Variants in SLC6A3 observed in about 807,000 individuals in gnomAD.
The protein encoded by SLC6A3 is solute carrier family 6 member 3.
In SLC6A3, 19 loss-of-function variants were observed where a neutral mutation model predicts 70.4. The ratio of observed to expected loss-of-function variants is 0.27; its 90% CI spans 0.19 to 0.40. The LOEUF (loss-of-function observed/expected upper bound fraction) is 0.40, where lower values mean the gene tolerates loss of function less well. Ranked by LOEUF, SLC6A3 falls within the 10% of genes least tolerant of loss-of-function variation. The pLI, the probability that SLC6A3 is intolerant of heterozygous loss-of-function variation, is 1.00. For missense variants in SLC6A3, 613 were observed against 838.5 expected, an observed-to-expected ratio of 0.73 and a Z score of 3.32; for synonymous variants, 368 against 356.6, an observed-to-expected ratio of 1.03 and a Z score of -0.36.
chr5:1,435,766 G>C (rs111376515), intron 3 of SLC6A3, among the ~76,000 whole-genome samples: 5 of 132,010 alleles, frequency 3.8e-5, no homozygotes, highest in Admixed American at 7.4e-5. Context: ...CTGGGCACCT[G>C]GGTGAGGAAA....
intron 4 of SLC6A3, among the ~76,000 whole-genome samples, chr5:1,430,718 C>T (rs1014727998): frequency 1.3e-5 from 2 of 152,194 alleles, no homozygotes; most frequent in Admixed American, 6.5e-5. Flanking sequence ...CTGTGCGCCC[C>T]GAAGGTGCCC....
chr5:1,426,369 C>G (rs936575916), intron 4 of SLC6A3, among the ~76,000 whole-genome samples: 3 of 152,032 alleles, frequency 2.0e-5, no homozygotes, highest in Non-Finnish European at 4.4e-5. Flanking sequence ...CAAGACCCCA[C>G]TTTACAAAAA....
rs771007893 is a variant in SLC6A3 at position 1,421,936 on chromosome 5, C to T, written c.732G>A (p.Leu244=). 4.3e-6 allele frequency: 7 copies of T among 1,613,226 alleles called. No individual in the cohort carries two copies. The South Asian group carries it at 7.7e-5, about 18-fold the overall frequency. Residue 244 remains leucine, a synonymous_variant, in exon 5 of 15, where the codon CTG becomes CTA. Transcript: ENST00000270349. The surrounding 1 kb of genome is among the most constrained non-coding windows in gnomAD (Gnocchi z 7.2). ...GPPRWQLTAC[L]VLVIVLLYFS... The stretch of plus-strand genomic sequence containing the variant: ...AGTAGAGCAGCACGATGACCAGCAC[C>T]AGGCAGGCTGTGAGCTGCCACCGCG...
rs189669040 is a variant in SLC6A3, at chr5:1,401,708, C to T, written c.1768-722G>A. 4.8e-4 allele frequency among the ~76,000 whole-genome samples: 71 copies of T among 146,632 alleles called. No individual in the cohort carries two copies. The East Asian group carries it at 0.011, about 23-fold the overall frequency. Reference sequence around the variant, plus strand: ...AGTTTGGCCATGCGAGGGGTAAGGGCGCTGGCTGTTCAGGTCCGCCGGGCT... The same window carrying T: ...AGTTTGGCCATGCGAGGGGTAAGGGTGCTGGCTGTTCAGGTCCGCCGGGCT... On this transcript the variant is annotated intron_variant, in intron 13 of 14. Coordinates refer to ENST00000270349, the MANE Select transcript of SLC6A3 (RefSeq NM_001044.5). This position sits in a 1 kb window ranked among gnomAD's most constrained non-coding sequence, Gnocchi z 6.1.
rs28382214 is a variant in SLC6A3, at chr5:1,444,855, C to T, written c.-46+493G>A. On this transcript the variant is annotated intron_variant, in intron 1 of 14. Coordinates refer to ENST00000270349, the MANE Select transcript of SLC6A3 (RefSeq NM_001044.5). ...AAGAAGCGGCGCTGCCTGGCGAGTC[C>T]TCGCCCGGCCTCCCCGCCCTGCCCA... is the stretch of plus-strand genomic sequence containing the variant. Among the ~76,000 whole-genome samples the T allele has an allele frequency of 9.6e-3, 1,466 of 152,366 alleles. 29 individuals carry two copies. Among genetic ancestry groups the T allele is most frequent in the African/African-American group, 0.034 (1,407 of 41,584 alleles).
rs1479897795 is a variant in SLC6A3 at position 1,396,653 on chromosome 5, G to A, written c.1840-1895C>T. Among the ~76,000 whole-genome samples, 1 of 152,010 alleles carries A rather than the reference G, an allele frequency of 6.6e-6. No individual in the cohort carries two copies. Among genetic ancestry groups the A allele is most frequent in the African/African-American group, 2.4e-5 (1 of 41,444 alleles). ...ACGAGCACATCCCGCTGTGAATGAG[G>A]AGGCTGGGGAGAGATCCGCCGACAG... On this transcript the variant is annotated intron_variant, in intron 14 of 14. Transcript: ENST00000270349. This position sits in a 1 kb window ranked among gnomAD's most constrained non-coding sequence, Gnocchi z 7.0.
At chr5:1,440,637 T>C (rs962791805) in intron 3 of SLC6A3, among the ~76,000 whole-genome samples, 6 of 152,196 alleles carry the variant, frequency 3.9e-5, no homozygotes, top group Non-Finnish European at 1.5e-5. Context: ...GTGAGGTCAT[T>C]AGGGTGTCCC....
chr5:1,431,811 G>A (rs1756712936), intron 4 of SLC6A3, among the ~76,000 whole-genome samples: 1 of 152,174 alleles, frequency 6.6e-6, no homozygotes, highest in South Asian at 2.1e-4. Context: ...GAAGGAGACA[G>A]AGACCCAGGA....
At chr5:1,443,851 T>TGTG (rs11564756) in intron 1 of SLC6A3, among the ~76,000 whole-genome samples, 1 of 150,788 alleles carries the variant, frequency 6.6e-6, no homozygotes. Context: ...TTTGTGTGTG[T>TGTG]TTTTTTGTTG....
At chr5:1,395,963 G>A (rs1755708126) in intron 14 of SLC6A3, among the ~76,000 whole-genome samples, 2 of 152,236 alleles carry the variant, frequency 1.3e-5, no homozygotes, top group African/African-American at 4.8e-5. Flanking sequence ...CTCTAAGTGA[G>A]TCCCCAGAAA....
At position 1,396,753 on chromosome 5, in the gene SLC6A3, T is replaced by C. The variant is rs766409491; in HGVS notation, c.1840-1995A>G. 1.4e-4 allele frequency among the ~76,000 whole-genome samples: 22 copies of C among 152,174 alleles called. No homozygotes were observed. Among genetic ancestry groups the C allele is most frequent in the Non-Finnish European group, 2.8e-4 (19 of 68,020 alleles). On this transcript the variant is annotated intron_variant, in intron 14 of 14. Coordinates refer to ENST00000270349, the MANE Select transcript of SLC6A3 (RefSeq NM_001044.5). This position sits in a 1 kb window ranked among gnomAD's most constrained non-coding sequence, Gnocchi z 7.0. ...TGTTCCCCCAGCCAGGAGAATGTCA[T>C]GATTCTCGGGGATCTGCATGGGGTG...
rs1560912981 is a variant in SLC6A3, at chr5:1,414,468, CGCTGGGTGGGGGGCCTGG to C, written c.1156+205_1156+222del. 9.1e-4 allele frequency among the ~76,000 whole-genome samples: 119 copies of C among 130,542 alleles called. 3 individuals carry two copies. Among genetic ancestry groups the C allele is most frequent in the Middle Eastern group, 4.3e-3 (1 of 230 alleles). The allele number at this position is 130,542 out of a possible 152,430, so 85.6% of individuals were successfully genotyped here. On this transcript the variant is annotated intron_variant, in intron 8 of 14. Coordinates refer to ENST00000270349, the MANE Select transcript of SLC6A3 (RefSeq NM_001044.5). ...GCCGGGAGGGGCAGGGCGGGGAAGGCGCTGGGTGGGGGGCCTGGAGGGTCAGGGCGGGGAAGGCGCTGG... is the reference window on the plus strand; with the variant it reads ...GCCGGGAGGGGCAGGGCGGGGAAGGCAGGGTCAGGGCGGGGAAGGCGCTGG...
In SLC6A3 at chr5:1,402,647, AGCACACACAGACACAT is replaced by A. The variant is rs1755876569; in HGVS notation, c.1767+259_1767+274del. 6.6e-6 allele frequency among the ~76,000 whole-genome samples: 1 copy of A among 152,186 alleles called. No homozygotes were observed. The highest frequency in any genetic ancestry group is 2.4e-5 in the African/African-American group (1 of 41,450). ...TACAGTGGATGTACACACAGGCACA[AGCACACACAGACACAT>A]GCACACACAGACACACACAGACATG... On this transcript the variant is annotated intron_variant, in intron 13 of 14. Coordinates refer to ENST00000270349, the MANE Select transcript of SLC6A3 (RefSeq NM_001044.5). This position sits in a 1 kb window ranked among gnomAD's most constrained non-coding sequence, Gnocchi z 8.5.
At chr5:1,395,014 G>GCGTGGTGGC (rs1232345584) in intron 14 of SLC6A3, among the ~76,000 whole-genome samples, 3 of 152,360 alleles carry the variant, frequency 2.0e-5, no homozygotes, top group East Asian at 3.9e-4. Context: ...ACTGTGGTTG[G>GCGTGGTGGC]CGTGGTGGCC....
chr5:1,415,971 C>A (rs1489907787), intron 7 of SLC6A3, 127 bp downstream of exon 7: 18 of 741,408 alleles, frequency 2.4e-5, no homozygotes, highest in Admixed American at 4.0e-5. Context: ...TGAAAGGCCA[C>A]GCAGCTCACA....
At chr5:1,431,833 A>G (rs1252462794) in intron 4 of SLC6A3, among the ~76,000 whole-genome samples, 1 of 152,168 alleles carries the variant, frequency 6.6e-6, no homozygotes, top group Admixed American at 6.5e-5. Context: ...GCTGCTGGAC[A>G]TGGGATACGC....
At position 1,397,391 on chromosome 5, in the gene SLC6A3, A is replaced by G. The variant is rs913979369; in HGVS notation, c.1840-2633T>C. Among the ~76,000 whole-genome samples the G allele has an allele frequency of 3.9e-5, 6 of 152,230 alleles. No individual in the cohort carries two copies. Among genetic ancestry groups the G allele is most frequent in the African/African-American group, 1.4e-4 (6 of 41,454 alleles). ...GCTTGCAGTGAGCCGAGATTGCGCC[A>G]CTGCACTCCAGCCTGGGCTACAGAG... On this transcript the variant is annotated intron_variant, in intron 14 of 14. Coordinates refer to ENST00000270349, the MANE Select transcript of SLC6A3 (RefSeq NM_001044.5). The surrounding 1 kb of genome is among the most constrained non-coding windows in gnomAD (Gnocchi z 4.7).
chr5:1,442,811 A>G lies in SLC6A3; in HGVS notation c.286+101T>C, dbSNP rs190599767. The G allele has an allele frequency of 5.2e-4, 644 of 1,238,434 alleles. 7 individuals are homozygous for G. The East Asian group carries it at 0.014, about 27-fold the overall frequency. The allele number at this position is 1,238,434 out of a possible 1,614,324, so 76.7% of individuals were successfully genotyped here. A position where few individuals can be genotyped will look rare whatever the true frequency, so the allele number is the denominator to read the frequency against. ...CTCACAGGGAGCTCCGTCTTCACGC[A>G]TGGGAACAGCTTCATCTCGTTTCCG... On this transcript the variant is annotated intron_variant, in intron 2 of 14. Transcript: ENST00000270349. The surrounding 1 kb of genome is among the most constrained non-coding windows in gnomAD (Gnocchi z 5.0).
At chr5:1,424,952 G>A (rs944959219) in intron 4 of SLC6A3, among the ~76,000 whole-genome samples, 5 of 152,222 alleles carry the variant, frequency 3.3e-5, no homozygotes, top group South Asian at 2.1e-4. Context: ...AAAGCTGTGC[G>A]TCTCCCAGCA....
Sources: allele counts gnomAD v4.1 joint callset (sites outside exome capture counted in the v4.1 genomes callset), GRCh38; gene constraint gnomAD v4.1.1; non-coding constraint Gnocchi (gnomAD v3.1); transcripts MANE v1.5; gene names NCBI Gene and HGNC (gene_info 2026-07-23, HGNC 2026-07-21).